The following PDZD8 variants were observed in gnomAD, a reference collection of about 807,000 sequenced individuals.
The protein encoded by PDZD8 is PDZ domain containing 8.
In PDZD8, 14 loss-of-function variants were observed where a neutral mutation model predicts 85.8. That is an observed-to-expected ratio of 0.16 (90% CI 0.11 to 0.26). The LOEUF (loss-of-function observed/expected upper bound fraction) is 0.26. PDZD8 is among the 10% of genes least tolerant of loss of function. PDZD8 has a pLI of 1.00. For synonymous variants in PDZD8, 592 were observed against 568.6 expected (o/e 1.04, Z -0.59); for missense variants, 1,197 against 1,424.3 (o/e 0.84, Z 2.57).
At position 117,278,480 on chromosome 10, in the gene PDZD8, T is replaced by C. The variant is rs1364651258; in HGVS notation, c.*4788A>G. 1 of 152,242 alleles carries C rather than the reference T, an allele frequency of 6.6e-6. No homozygotes were observed. Among genetic ancestry groups the C allele is most frequent in the Non-Finnish European group, 1.5e-5 (1 of 68,044 alleles). 9.4% of individuals were successfully genotyped at this position (152,242 alleles called of 1,614,324 possible). A position where few individuals can be genotyped will look rare whatever the true frequency, so the allele number is the denominator to read the frequency against. On this transcript the variant is annotated 3_prime_UTR_variant, in exon 5 of 5. Coordinates refer to ENST00000334464, the MANE Select transcript of PDZD8 (RefSeq NM_173791.5). ...TAAGCATGACAACATTGATGTGCCTTTTCAGTGTAACAGCAAATACTGTTA... is the reference window on the plus strand; with the variant it reads ...TAAGCATGACAACATTGATGTGCCTCTTCAGTGTAACAGCAAATACTGTTA...
intron 2 of PDZD8, among the ~76,000 whole-genome samples, chr10:117,323,119 T>C (rs549654749): frequency 7.2e-5 from 11 of 152,232 alleles, no homozygotes; most frequent in Non-Finnish European, 1.5e-4. Flanking sequence ...ACAATGGCCA[T>C]ATGAAGACCG....
intron 3 of PDZD8, among the ~76,000 whole-genome samples, chr10:117,296,496 A>C (rs1293863494): frequency 6.6e-6 from 1 of 152,136 alleles, no homozygotes; most frequent in Non-Finnish European, 1.5e-5. Flanking sequence ...GAAGAAATGG[A>C]CCAAGAACAG....
intron 3 of PDZD8, among the ~76,000 whole-genome samples, chr10:117,306,933 C>T (rs940182193): frequency 2.6e-5 from 4 of 152,084 alleles, no homozygotes; most frequent in Non-Finnish European, 5.9e-5. Flanking sequence ...CACAGTATAA[C>T]TGCCAGAGTT....
chr10:117,338,005 A>C lies in PDZD8; in HGVS notation c.995+2975T>G, dbSNP rs1844547153. On this transcript the variant is annotated intron_variant, in intron 2 of 4. Transcript: ENST00000334464. ...TTCAGGAATTAGAATAAAACACACA[A>C]GCTGAATTTATATTCAAAATGAGAT... 2.0e-5 allele frequency among the ~76,000 whole-genome samples: 3 copies of C among 152,194 alleles called. No homozygotes were observed. In the South Asian group the frequency reaches 6.2e-4, roughly 32 times the overall value.
chr10:117,362,538 A>G (rs1305385864), intron 1 of PDZD8, among the ~76,000 whole-genome samples: 2 of 152,104 alleles, frequency 1.3e-5, no homozygotes, highest in Non-Finnish European at 2.9e-5. Flanking sequence ...AAGAGCACAG[A>G]TATCCTCTAG....
chr10:117,318,127 T>G (rs1018692989), intron 3 of PDZD8, among the ~76,000 whole-genome samples: 1 of 152,240 alleles, frequency 6.6e-6, no homozygotes, highest in African/African-American at 2.4e-5. Context: ...TATCCTGTAG[T>G]ACTGGGTACA....
At chr10:117,350,384 C>G (rs1260840269) in intron 1 of PDZD8, among the ~76,000 whole-genome samples, 2 of 151,272 alleles carry the variant, frequency 1.3e-5, no homozygotes, top group Non-Finnish European at 2.9e-5. Context: ...CCTGCCTCAG[C>G]CTCCCAAGTA....
intron 2 of PDZD8, among the ~76,000 whole-genome samples, chr10:117,340,500 T>G (rs543338980): frequency 6.6e-6 from 1 of 152,194 alleles, no homozygotes; most frequent in Admixed American, 6.5e-5. Flanking sequence ...CATCCACTGA[T>G]CCCACATTGC....
chr10:117,320,395 A>G (rs1268327397), intron 2 of PDZD8, among the ~76,000 whole-genome samples: 1 of 152,112 alleles, frequency 6.6e-6, no homozygotes, highest in South Asian at 2.1e-4. Flanking sequence ...ATTGTCAGAA[A>G]TTCTCCCCTG....
chr10:117,294,791 A>G (rs564772143), intron 3 of PDZD8, among the ~76,000 whole-genome samples: 1 of 152,304 alleles, frequency 6.6e-6, no homozygotes, highest in Non-Finnish European at 1.5e-5. Flanking sequence ...TCTCACTCAT[A>G]TGTGGAATCT....
In PDZD8 at chr10:117,330,044, G is replaced by A. The variant is rs1844394534; in HGVS notation, c.995+10936C>T. Among the ~76,000 whole-genome samples, 2 of 115,052 alleles carry A rather than the reference G, an allele frequency of 1.7e-5. 1 individual carries two copies. The highest frequency in any genetic ancestry group is 3.6e-5 in the Non-Finnish European group (2 of 56,066). The allele number at this position is 115,052 out of a possible 152,430, so 75.5% of individuals were successfully genotyped here. A position where few individuals can be genotyped will look rare whatever the true frequency, so the allele number is the denominator to read the frequency against. ...AGGGAGGGAAGGAGGGAGGGAGGGA[G>A]GGAGGGAAAAATCTGTTTTTTTTTT... On this transcript the variant is annotated intron_variant, in intron 2 of 4. Transcript: ENST00000334464.
chr10:117,367,623 T>A (rs563257718), intron 1 of PDZD8, among the ~76,000 whole-genome samples: 16 of 152,180 alleles, frequency 1.1e-4, no homozygotes, highest in African/African-American at 3.6e-4. Context: ...ACTGGGTATT[T>A]AGGTGGAGTA....
At chr10:117,354,011 T>C (rs1431975333) in intron 1 of PDZD8, among the ~76,000 whole-genome samples, 1 of 152,190 alleles carries the variant, frequency 6.6e-6, no homozygotes, top group Non-Finnish European at 1.5e-5. Context: ...CTGCTTTCTC[T>C]TACTGGCACC....
At chr10:117,330,463 T>C (rs1228523847) in intron 2 of PDZD8, among the ~76,000 whole-genome samples, 1 of 152,172 alleles carries the variant, frequency 6.6e-6, no homozygotes, top group African/African-American at 2.4e-5. Context: ...TCCTATAACA[T>C]GCAGAAAATA....
At chr10:117,363,316 A>G (rs1382752695) in intron 1 of PDZD8, among the ~76,000 whole-genome samples, 3 of 152,108 alleles carry the variant, frequency 2.0e-5, no homozygotes, top group African/African-American at 7.2e-5. Flanking sequence ...CATACAACAC[A>G]AACACCAGAT....
rs570031525 is a variant in PDZD8, at chr10:117,370,668, C to CT, written c.872+3687dup. On this transcript the variant is annotated intron_variant, in intron 1 of 4. Transcript: ENST00000334464. Reference sequence around the variant, plus strand: ...ACCAGCCTGGCCAACATGGTGAAACCTGTCTCTTCTATTTGGAAACACAAT... The same window carrying CT: ...ACCAGCCTGGCCAACATGGTGAAACCTTGTCTCTTCTATTTGGAAACACAAT... 5.3e-5 allele frequency among the ~76,000 whole-genome samples: 8 copies of CT among 152,190 alleles called. No homozygotes were observed. The East Asian group carries it at 1.2e-3, about 22-fold the overall frequency.
Position 117,285,451 on chromosome 10 carries a change from G to C in PDZD8, c.1282C>G (p.Leu428Val). ...AIGGVKITST[L>V]QVLKLIKQAG... ...TGCTTGATAAGCTTCAACACTTGCA[G>C]TGTTGATGTGATTTTCACACCTGGT... The change falls in exon 5 of 5, where the codon CTG becomes GTG. Residue 428 changes from leucine (L) to valine (V), a missense_variant. Transcript: ENST00000334464. 6.3e-7 allele frequency: 1 copy of C among 1,586,334 alleles called. No homozygotes were observed. Among genetic ancestry groups the C allele is most frequent in the Non-Finnish European group, 8.6e-7 (1 of 1,162,972 alleles).
chr10:117,342,301 G>A (rs370737408), intron 1 of PDZD8, among the ~76,000 whole-genome samples: 1 of 151,952 alleles, frequency 6.6e-6, no homozygotes, highest in African/African-American at 2.4e-5. Context: ...TTAAAGCCCC[G>A]TGGTTTTCAA....
intron 1 of PDZD8, among the ~76,000 whole-genome samples, chr10:117,362,180 C>G (rs1212360186): frequency 6.6e-6 from 1 of 152,138 alleles, no homozygotes; most frequent in Non-Finnish European, 1.5e-5. Flanking sequence ...GTACCTAACT[C>G]AAGTTAGAAC....
Sources: allele counts gnomAD v4.1 joint callset (sites outside exome capture counted in the v4.1 genomes callset), GRCh38; gene constraint gnomAD v4.1.1; transcripts MANE v1.5; gene names NCBI Gene and HGNC (gene_info 2026-07-23, HGNC 2026-07-21).